ARFGEF2: variants seen among roughly 807,000 people sequenced by gnomAD.
ARFGEF2 encodes ARF guanine nucleotide exchange factor 2.
ARFGEF2 carries 74 observed loss-of-function variants against 219.9 expected under a neutral mutation model. That is an observed-to-expected ratio of 0.34 (90% confidence interval 0.28 to 0.41). ARFGEF2 has a LOEUF of 0.41. Ranked by LOEUF, ARFGEF2 falls within the 10% of genes least tolerant of loss-of-function variation. The probability of loss-of-function intolerance (pLI) is 1.00; values close to 1 mark genes in which losing one functional copy is unlikely to be tolerated. For synonymous variants in ARFGEF2, 733 were observed against 799.2 expected, an observed-to-expected ratio of 0.92 and a Z score of 1.40; for missense variants, 1,743 against 2,218.3, an observed-to-expected ratio of 0.79 and a Z score of 4.30.
intron 25 of ARFGEF2, among the ~76,000 whole-genome samples, chr20:49,002,195 G>A (rs1323630711): frequency 2.0e-5 from 3 of 152,288 alleles, no homozygotes; most frequent in Admixed American, 6.5e-5. Flanking sequence ...CAGAGATCGT[G>A]CCATTGCACA....
chr20:48,922,036 C>T, intron 1 of ARFGEF2, 26 bp downstream of exon 1: 1 of 1,567,040 alleles, frequency 6.4e-7, no homozygotes, highest in Non-Finnish European at 8.6e-7. Context: ...CCGCCCTGCC[C>T]CGCGCTGGCC....
intron 21 of ARFGEF2, among the ~76,000 whole-genome samples, chr20:48,994,051 C>A (rs2091372198): frequency 2.0e-5 from 3 of 152,148 alleles, no homozygotes; most frequent in Non-Finnish European, 4.4e-5. Flanking sequence ...GAGGGACACA[C>A]ATGTCTGAGC....
chr20:49,020,904 C>T (rs1177673650), intron 34 of ARFGEF2, among the ~76,000 whole-genome samples: 1 of 152,152 alleles, frequency 6.6e-6, no homozygotes, highest in Non-Finnish European at 1.5e-5. Context: ...GGGAACAGTG[C>T]CTTTGCTGCT....
At chr20:48,991,481 T>C (rs1409809085) in intron 21 of ARFGEF2, among the ~76,000 whole-genome samples, 3 of 151,692 alleles carry the variant, frequency 2.0e-5, no homozygotes, top group South Asian at 2.1e-4. Context: ...TTTTTTTTTT[T>C]AGTCCTTATG....
intron 3 of ARFGEF2, among the ~76,000 whole-genome samples, chr20:48,947,165 G>A (rs889971439): frequency 2.0e-5 from 3 of 151,698 alleles, no homozygotes; most frequent in Admixed American, 6.6e-5. Context: ...TTGGGAGGCC[G>A]AGACGGGCAG....
Position 48,953,774 on chromosome 20 carries a change from AG to A in ARFGEF2, c.824del (p.Gly275AlafsTer15). 6.2e-7 allele frequency: 1 copy of A among 1,614,010 alleles called. No homozygotes were observed. The highest frequency in any genetic ancestry group is 8.5e-7 in the Non-Finnish European group (1 of 1,179,934). On this transcript the variant is annotated frameshift_variant, in exon 6 of 39. Transcript: ENST00000371917. LOFTEE classifies it high-confidence loss of function. ...TENGDAPRER[G>X]SSLSGTDDGA... ...AAAATGGAGACGCACCCAGAGAAAG[AG>A]GCTCATCACTGTCAGGTACGGGCTG...
chr20:48,974,957 TC>T, intron 13 of ARFGEF2, 83 bp downstream of exon 13: 1 of 1,223,718 alleles, frequency 8.2e-7, no homozygotes, highest in Non-Finnish European at 1.2e-6. Flanking sequence ...AGTATAGTTG[TC>T]TTAGAATTGA....
At chr20:48,924,877 G>A (rs2090866964) in intron 1 of ARFGEF2, among the ~76,000 whole-genome samples, 1 of 152,162 alleles carries the variant, frequency 6.6e-6, no homozygotes, top group Non-Finnish European at 1.5e-5. Context: ...TAAAGATTAA[G>A]TTAATTGACA....
rs373010334 is a variant in ARFGEF2, at chr20:48,922,753, A to G, written c.121+743A>G. Among the ~76,000 whole-genome samples, 15 of 152,362 alleles carry G rather than the reference A, an allele frequency of 9.8e-5. 1 individual carries two copies. The highest frequency in any genetic ancestry group is 8.3e-4 in the South Asian group (4 of 4,826). ...ATTCTAACTAATAGTTAAAGGCTTG[A>G]TAATTGATAGCAAAATCACTATCCT... On this transcript the variant is annotated intron_variant, in intron 1 of 38. Transcript: ENST00000371917.
chr20:48,960,890 G>A (rs1009803001), intron 6 of ARFGEF2, among the ~76,000 whole-genome samples: 17 of 151,080 alleles, frequency 1.1e-4, no homozygotes, highest in Non-Finnish European at 3.0e-5. Context: ...GACCATCCTG[G>A]CCAACATAGT....
rs1600556642 is a variant in ARFGEF2, at chr20:49,023,960, T to G, written c.4755+779T>G. 2.6e-5 allele frequency among the ~76,000 whole-genome samples: 4 copies of G among 152,090 alleles called. 1 individual carries two copies. The South Asian group carries it at 8.3e-4, about 32-fold the overall frequency. ...GCAACTTTCTACATATGGGATTCTTTTCCTTTTTTTCTTTTTTTGGCGAGA... is the reference window on the plus strand; with the variant it reads ...GCAACTTTCTACATATGGGATTCTTGTCCTTTTTTTCTTTTTTTGGCGAGA... On this transcript the variant is annotated intron_variant, in intron 35 of 38. Coordinates refer to ENST00000371917, the MANE Select transcript of ARFGEF2 (RefSeq NM_006420.3).
At chr20:48,974,026 G>A (rs2091244940) in intron 12 of ARFGEF2, among the ~76,000 whole-genome samples, 1 of 150,456 alleles carries the variant, frequency 6.6e-6, no homozygotes, top group Non-Finnish European at 1.5e-5. Flanking sequence ...GGGATACGTT[G>A]TATCCAGAGT....
chr20:49,007,591 G>GTTT (rs1362993410), intron 26 of ARFGEF2, among the ~76,000 whole-genome samples: 1 of 111,096 alleles, frequency 9.0e-6, no homozygotes, highest in Admixed American at 1.0e-4. Context: ...ACCTGGTGTT[G>GTTT]CTTTTTTTTT....
chr20:48,950,809 A>AT lies in ARFGEF2; in HGVS notation c.277-514_277-513insT, dbSNP rs1555808088. 7.0e-3 allele frequency among the ~76,000 whole-genome samples: 285 copies of AT among 40,770 alleles called. 1 individual carries two copies. Among genetic ancestry groups the AT allele is most frequent in the Non-Finnish European group, 1.0e-2 (220 of 22,096 alleles). 26.7% of individuals were successfully genotyped at this position (40,770 alleles called of 152,430 possible). A position where few individuals can be genotyped will look rare whatever the true frequency, so the allele number is the denominator to read the frequency against. ...AGACCCTGTCTAAAAAAAAAAAAAA[A>AT]AAATATATATATATATATATATATA... On this transcript the variant is annotated intron_variant, in intron 3 of 38. Coordinates refer to ENST00000371917, the MANE Select transcript of ARFGEF2 (RefSeq NM_006420.3).
At chr20:49,010,539 T>C in intron 27 of ARFGEF2, 135 bp downstream of exon 27, 2 of 978,510 alleles carry the variant, frequency 2.0e-6, no homozygotes, top group Non-Finnish European at 3.1e-6. Flanking sequence ...CCAGGCCGTG[T>C]TGTAAGCGCT....
intron 6 of ARFGEF2, among the ~76,000 whole-genome samples, chr20:48,954,303 T>C (rs2091092291): frequency 1.3e-5 from 2 of 152,212 alleles, no homozygotes; most frequent in Non-Finnish European, 2.9e-5. Flanking sequence ...TCACTTGTTT[T>C]TGTTGGGTTT....
Position 48,980,980 on chromosome 20 carries a change from A to G in ARFGEF2, c.1959-3749A>G, listed in dbSNP as rs535478831. 1.0e-3 allele frequency among the ~76,000 whole-genome samples: 154 copies of G among 152,250 alleles called. 1 individual carries two copies. Among genetic ancestry groups the G allele is most frequent in the African/African-American group, 3.6e-3 (149 of 41,516 alleles). On this transcript the variant is annotated intron_variant, in intron 14 of 38. Transcript: ENST00000371917. ...TAATTGGGGCATTTATCCCCATTAC[A>G]TTTCAAGTTAATATTGTTATGTGTG... is the stretch of plus-strand genomic sequence containing the variant.
intron 14 of ARFGEF2, among the ~76,000 whole-genome samples, chr20:48,980,347 C>T (rs541844082): frequency 1.3e-5 from 2 of 152,278 alleles, no homozygotes; most frequent in African/African-American, 4.8e-5. Context: ...GTCTGAGAGA[C>T]AGTTTGTTGT....
At chr20:49,006,521 T>TA (rs1005684011) in intron 26 of ARFGEF2, among the ~76,000 whole-genome samples, 1 of 152,170 alleles carries the variant, frequency 6.6e-6, no homozygotes, top group Non-Finnish European at 1.5e-5. Context: ...ACATTATATA[T>TA]ATCAAGGTAA....
Sources: gnomAD v4.1 joint callset for allele counts (sites outside exome capture counted in the v4.1 genomes callset) on GRCh38, gnomAD v4.1.1 for gene constraint, MANE v1.5 for transcripts, NCBI Gene and HGNC (gene_info 2026-07-23, HGNC 2026-07-21) for gene names.